Variants in TOX observed in about 807,000 individuals in gnomAD.
The protein encoded by TOX is thymocyte selection-associated high mobility group box protein TOX.
A neutral mutation model predicts 53.7 loss-of-function variants in TOX; 11 were observed. The observed-to-expected ratio is 0.20, with a 90% confidence interval of 0.13 to 0.34. TOX has a LOEUF of 0.34. TOX is among the 10% of genes least tolerant of loss of function. The pLI, the probability that TOX is intolerant of heterozygous loss-of-function variation, is 1.00. For missense variants in TOX, 570 were observed against 664.6 expected (o/e 0.86, Z 1.56); for synonymous variants, 225 against 245.3 (o/e 0.92, Z 0.77).
At chr8:58,928,224 G>A (rs1812197381) in intron 3 of TOX, among the ~76,000 whole-genome samples, 2 of 152,228 alleles carry the variant, frequency 1.3e-5, no homozygotes, top group Non-Finnish European at 2.9e-5. Context: ...CAGCTTCAGA[G>A]AAGGCAGAGC....
At chr8:59,093,134 C>T (rs968899850) in intron 1 of TOX, among the ~76,000 whole-genome samples, 74 of 152,328 alleles carry the variant, frequency 4.9e-4, no homozygotes, top group African/African-American at 1.7e-3. Context: ...CATGGTAGAA[C>T]TTCTGCAGCT....
rs951433700 is a variant in TOX, at chr8:58,805,748, A to T, written c.*1999T>A. 3 of 152,662 alleles carry T rather than the reference A, an allele frequency of 2.0e-5. No homozygotes were observed. Among genetic ancestry groups the T allele is most frequent in the Non-Finnish European group, 4.4e-5 (3 of 68,040 alleles). 9.5% of individuals were successfully genotyped at this position (152,662 alleles called of 1,614,324 possible). A position where few individuals can be genotyped will look rare whatever the true frequency, so the allele number is the denominator to read the frequency against. ...AGACAAACAATAAACTGTGAACTTA[A>T]TCACATGAGTTCTTATACAGTTTCA... On this transcript the variant is annotated 3_prime_UTR_variant, in exon 9 of 9. Coordinates refer to ENST00000361421, the MANE Select transcript of TOX (RefSeq NM_014729.3).
At chr8:58,996,445 C>T (rs1813562505) in intron 1 of TOX, among the ~76,000 whole-genome samples, 1 of 152,218 alleles carries the variant, frequency 6.6e-6, no homozygotes, top group South Asian at 2.1e-4. Flanking sequence ...AATTGCCTTT[C>T]TTTTAAGTCC....
intron 3 of TOX, among the ~76,000 whole-genome samples, chr8:58,925,036 G>A (rs1019674558): frequency 1.3e-5 from 2 of 152,164 alleles, no homozygotes; most frequent in African/African-American, 4.8e-5. Flanking sequence ...ACATGGAGAT[G>A]CACCTCGTGC....
At chr8:58,936,629 T>A (rs565398411) in intron 3 of TOX, among the ~76,000 whole-genome samples, 1 of 152,340 alleles carries the variant, frequency 6.6e-6, no homozygotes, top group Admixed American at 6.5e-5. Context: ...AGACAAAAGA[T>A]AGCTCCTGAT....
At chr8:58,877,722 C>G (rs749070597) in intron 3 of TOX, among the ~76,000 whole-genome samples, 4 of 152,196 alleles carry the variant, frequency 2.6e-5, no homozygotes, top group African/African-American at 4.8e-5. Flanking sequence ...AAAGAAAATA[C>G]AAGTCTGTCA....
At chr8:58,976,074 A>T (rs62505262) in intron 1 of TOX, among the ~76,000 whole-genome samples, 2 of 9,188 alleles carry the variant, frequency 2.2e-4, no homozygotes, top group African/African-American at 3.7e-4. Flanking sequence ...CCGTCTAATA[A>T]AAAAAAAAAA....
At chr8:58,876,042 C>T (rs1360553646) in intron 3 of TOX, among the ~76,000 whole-genome samples, 3 of 151,956 alleles carry the variant, frequency 2.0e-5, no homozygotes, top group African/African-American at 7.3e-5. Flanking sequence ...ATAAAGTTTC[C>T]GAGAATGCCT....
At chr8:58,898,628 TGACA>T (rs1161103564) in intron 3 of TOX, among the ~76,000 whole-genome samples, 1 of 152,186 alleles carries the variant, frequency 6.6e-6, no homozygotes, top group African/African-American at 2.4e-5. Flanking sequence ...AACCAGTGAA[TGACA>T]GAGTATTTGT....
At chr8:58,964,477 C>T (rs1355545029) in intron 1 of TOX, among the ~76,000 whole-genome samples, 3 of 152,100 alleles carry the variant, frequency 2.0e-5, no homozygotes, top group African/African-American at 7.2e-5. Context: ...TCCAACCACA[C>T]CCTGACCAGG....
At chr8:58,956,942 C>T (rs1050090050) in intron 2 of TOX, among the ~76,000 whole-genome samples, 4 of 152,226 alleles carry the variant, frequency 2.6e-5, no homozygotes, top group Non-Finnish European at 4.4e-5. Context: ...CTATAGTCCT[C>T]ATGTTGCAAG....
intron 2 of TOX, among the ~76,000 whole-genome samples, chr8:58,944,903 T>G (rs962722082): frequency 1.3e-5 from 2 of 152,206 alleles, no homozygotes; most frequent in African/African-American, 2.4e-5. Flanking sequence ...TTAGGCCTCA[T>G]AGTGGAGAAA....
At chr8:58,811,998 TTC>T (rs1335644518) in intron 7 of TOX, among the ~76,000 whole-genome samples, 1 of 152,186 alleles carries the variant, frequency 6.6e-6, no homozygotes, top group Non-Finnish European at 1.5e-5. Flanking sequence ...GTTAACGTTC[TTC>T]TCTCTCTGTC....
At chr8:58,987,845 T>C (rs1179490926) in intron 1 of TOX, among the ~76,000 whole-genome samples, 1 of 152,188 alleles carries the variant, frequency 6.6e-6, no homozygotes, top group Non-Finnish European at 1.5e-5. Context: ...TCTCATCTCA[T>C]GCACACTCTG....
At chr8:58,935,740 T>C (rs982351370) in intron 3 of TOX, among the ~76,000 whole-genome samples, 9 of 152,236 alleles carry the variant, frequency 5.9e-5, no homozygotes, top group Admixed American at 5.2e-4. Flanking sequence ...TTGTTAAATT[T>C]TGTGATCATA....
intron 4 of TOX, among the ~76,000 whole-genome samples, chr8:58,839,093 G>A (rs956077126): frequency 2.6e-5 from 4 of 152,070 alleles, no homozygotes; most frequent in African/African-American, 9.7e-5. Flanking sequence ...CTAGATCTAC[G>A]GAATGCTGCC....
Position 59,092,291 on chromosome 8 carries a change from C to CATTATATAT in TOX, c.102+26586_102+26594dup, listed in dbSNP as rs1563443744. On this transcript the variant is annotated intron_variant, in intron 1 of 8. Coordinates refer to ENST00000361421, the MANE Select transcript of TOX (RefSeq NM_014729.3). ...TATATATATATATATATTATATATA[C>CATTATATAT]ATTATATATATTATATATTATATAT... Among the ~76,000 whole-genome samples the CATTATATAT allele has an allele frequency of 1.4e-4, 13 of 94,990 alleles. No homozygotes were observed. In the East Asian group the frequency reaches 1.4e-3, roughly 10 times the overall value. The allele number at this position is 94,990 out of a possible 152,430, so 62.3% of individuals were successfully genotyped here. A position where few individuals can be genotyped will look rare whatever the true frequency, so the allele number is the denominator to read the frequency against.
chr8:58,993,835 T>C (rs1813502041), intron 1 of TOX, among the ~76,000 whole-genome samples: 1 of 150,592 alleles, frequency 6.6e-6, no homozygotes, highest in South Asian at 2.1e-4. Context: ...TTCCATCATC[T>C]TCCTAAGGGG....
Position 59,118,818 on chromosome 8 carries a change from G to C in TOX, c.102+68C>G, listed in dbSNP as rs112929436. The C allele has an allele frequency of 4.5e-6, 6 of 1,322,882 alleles. No homozygotes were observed. The East Asian group carries it at 8.7e-5, about 19-fold the overall frequency. 81.9% of individuals were successfully genotyped at this position (1,322,882 alleles called of 1,614,324 possible). ...CGCCAAGCCGGCCCCGCCGCGGCCC[G>C]GCCACCGCCGCTCCCCTCCCAGGAT... On this transcript the variant is annotated intron_variant, in intron 1 of 8. Transcript: ENST00000361421. The surrounding 1 kb of genome is among the most constrained non-coding windows in gnomAD (Gnocchi z 4.1).
Sources: gnomAD v4.1 joint callset for allele counts (sites outside exome capture counted in the v4.1 genomes callset) on GRCh38, gnomAD v4.1.1 for gene constraint, Gnocchi (gnomAD v3.1) non-coding constraint, MANE v1.5 for transcripts, NCBI Gene and HGNC (gene_info 2026-07-23, HGNC 2026-07-21) for gene names.